The following KCNQ1 variants were observed in gnomAD, a reference collection of about 807,000 sequenced individuals.
The protein encoded by KCNQ1 is potassium voltage-gated channel subfamily Q member 1.
KCNQ1 carries 49 observed loss-of-function variants against 72.4 expected under a neutral mutation model. That is an observed-to-expected ratio of 0.68 (90% CI 0.54 to 0.86). The LOEUF is 0.86. Among genes scored for constraint, KCNQ1 ranks in the 40% least tolerant of loss-of-function variants. The pLI is 0.00. For missense variants in KCNQ1, 790 were observed against 945.1 expected, an observed-to-expected ratio of 0.84 and a Z score of 2.15; for synonymous variants, 450 against 412.6, an observed-to-expected ratio of 1.09 and a Z score of -1.10.
In KCNQ1 at chr11:2,611,991, T is replaced by TA. The variant is rs1408719226; in HGVS notation, c.1393+23137_1393+23138insA. ...TATTCTCTCCTTCTCAGTACTCTTA[T>TA]TAACACATATGTTGTTACTCCTTAA... On this transcript the variant is annotated intron_variant, in intron 10 of 15. Coordinates refer to ENST00000155840, the MANE Select transcript of KCNQ1 (RefSeq NM_000218.3). This position sits in a 1 kb window ranked among gnomAD's most constrained non-coding sequence, Gnocchi z 5.3. 6 of 398,670 alleles carry TA rather than the reference T, an allele frequency of 1.5e-5. No individual in the cohort carries two copies. The East Asian group carries it at 2.1e-4, about 14-fold the overall frequency. 24.7% of individuals were successfully genotyped at this position (398,670 alleles called of 1,614,324 possible).
chr11:2,795,503 G>T (rs989486464), intron 15 of KCNQ1, among the ~76,000 whole-genome samples: 1 of 152,184 alleles, frequency 6.6e-6, no homozygotes, highest in Non-Finnish European at 1.5e-5. Context: ...GTCATGCTTG[G>T]GCCCAGAGTG....
At position 2,687,651 on chromosome 11, in the gene KCNQ1, C is replaced by G. The variant is rs1327873318; in HGVS notation, c.1514+25570C>G. The stretch of plus-strand genomic sequence containing the variant: ...CTCAGGCCCCTGTAAAAATTGGGAC[C>G]TGTCCTTGCCAGCCAGGTCTCAGGG... On this transcript the variant is annotated intron_variant, in intron 11 of 15. Transcript: ENST00000155840. The surrounding 1 kb of genome is among the most constrained non-coding windows in gnomAD (Gnocchi z 5.0). The G allele has an allele frequency of 3.3e-5, 13 of 398,562 alleles. No individual in the cohort carries two copies. In the South Asian group the frequency reaches 1.5e-3, roughly 47 times the overall value. 24.7% of individuals were successfully genotyped at this position (398,562 alleles called of 1,614,324 possible).
chr11:2,647,886 T>C lies in KCNQ1; in HGVS notation c.1394-14075T>C, dbSNP rs1029289926. 4.3e-5 allele frequency: 17 copies of C among 398,470 alleles called. No homozygotes were observed. Among genetic ancestry groups the C allele is most frequent in the African/African-American group, 2.3e-4 (11 of 48,612 alleles). 24.7% of individuals were successfully genotyped at this position (398,470 alleles called of 1,614,324 possible). On this transcript the variant is annotated intron_variant, in intron 10 of 15. Coordinates refer to ENST00000155840, the MANE Select transcript of KCNQ1 (RefSeq NM_000218.3). This position sits in a 1 kb window ranked among gnomAD's most constrained non-coding sequence, Gnocchi z 4.0. ...ATTTATTGGGTCTTCTTGGTTAGTC[T>C]AGCTAATGGTTTATTGATTTTCTCT...
At chr11:2,643,076 T>C in intron 10 of KCNQ1, 1 of 398,132 alleles carries the variant, frequency 2.5e-6, no homozygotes, top group Non-Finnish European at 4.4e-6. Context: ...CTTAGTGTCC[T>C]AACATATAAT....
At position 2,626,699 on chromosome 11, in the gene KCNQ1, T is replaced by C. The variant is rs1011628755; in HGVS notation, c.1394-35262T>C. On this transcript the variant is annotated intron_variant, in intron 10 of 15. Transcript: ENST00000155840. The surrounding 1 kb of genome is among the most constrained non-coding windows in gnomAD (Gnocchi z 4.0). ...GTGTACCATTACACCTGGCCAATTA[T>C]TTTATTTTTTGTAGAGATGAGGTCT... 1 of 397,012 alleles carries C rather than the reference T, an allele frequency of 2.5e-6. No individual in the cohort carries two copies. The highest frequency in any genetic ancestry group is 4.4e-6 in the Non-Finnish European group (1 of 226,036). The allele number at this position is 397,012 out of a possible 1,614,324, so 24.6% of individuals were successfully genotyped here. A position where few individuals can be genotyped will look rare whatever the true frequency, so the allele number is the denominator to read the frequency against.
chr11:2,656,215 A>G (rs1308588143), intron 10 of KCNQ1: 1 of 398,506 alleles, frequency 2.5e-6, no homozygotes, highest in Non-Finnish European at 4.4e-6. Flanking sequence ...ATCCTGGATG[A>G]AGTTTTAGCT....
intron 15 of KCNQ1, among the ~76,000 whole-genome samples, chr11:2,778,337 C>T (rs55882753): frequency 6.6e-6 from 1 of 152,236 alleles, no homozygotes; most frequent in African/African-American, 2.4e-5. Context: ...CGCTGCCTCT[C>T]GTAGTCTGCT....
chr11:2,461,496 C>T, intron 1 of KCNQ1: 1 of 1,306,590 alleles, frequency 7.7e-7, no homozygotes, highest in Non-Finnish European at 1.0e-6. Context: ...CGGGAAGGCA[C>T]TGTCTTTGCG....
rs1299113524 is a variant in KCNQ1, at chr11:2,752,625, G to T, written c.1515-16219G>T. Among the ~76,000 whole-genome samples, 1 of 152,034 alleles carries T rather than the reference G, an allele frequency of 6.6e-6. No individual in the cohort carries two copies. The highest frequency in any genetic ancestry group is 6.6e-5 in the Admixed American group (1 of 15,266). On this transcript the variant is annotated intron_variant, in intron 11 of 15. Transcript: ENST00000155840. This position sits in a 1 kb window ranked among gnomAD's most constrained non-coding sequence, Gnocchi z 5.2. ...GTGGCAGAAGAGGCAAAAATAAGGT[G>T]CAAACAAGCTCCCTCAGGCCTCCTT...
intron 11 of KCNQ1, chr11:2,665,962 C>T (rs976693987): frequency 2.3e-5 from 9 of 398,556 alleles, no homozygotes; most frequent in African/African-American, 1.6e-4. Flanking sequence ...CCTCACACTG[C>T]ATCCCCAACT....
At position 2,818,328 on chromosome 11, in the gene KCNQ1, G is replaced by A. The variant is rs568295212; in HGVS notation, c.1795-29439G>A. ...AGTCACACCCCAAGCCCTGGCTTGA[G>A]CATGTACACAGGCTGCAGCCCGTGT... is the stretch of plus-strand genomic sequence containing the variant. On this transcript the variant is annotated intron_variant, in intron 15 of 15. Transcript: ENST00000155840. This position sits in a 1 kb window ranked among gnomAD's most constrained non-coding sequence, Gnocchi z 7.2. Among the ~76,000 whole-genome samples the A allele has an allele frequency of 5.3e-5, 8 of 152,200 alleles. No homozygotes were observed. Among genetic ancestry groups the A allele is most frequent in the Non-Finnish European group, 1.0e-4 (7 of 68,024 alleles).
chr11:2,671,249 C>T lies in KCNQ1; in HGVS notation c.1514+9168C>T, dbSNP rs1025535557. 8.3e-5 allele frequency: 33 copies of T among 398,456 alleles called. No individual in the cohort carries two copies. The highest frequency in any genetic ancestry group is 2.1e-4 in the African/African-American group (10 of 48,618). The allele number at this position is 398,456 out of a possible 1,614,324, so 24.7% of individuals were successfully genotyped here. On this transcript the variant is annotated intron_variant, in intron 11 of 15. Transcript: ENST00000155840. This position sits in a 1 kb window ranked among gnomAD's most constrained non-coding sequence, Gnocchi z 4.7. Reference sequence around the variant, plus strand: ...GGAGTCCAGGTCTGACCTCAAAATCCGATGTCCCCACCATCCCCAGCCCCT... The same window carrying T: ...GGAGTCCAGGTCTGACCTCAAAATCTGATGTCCCCACCATCCCCAGCCCCT...
rs1846411030 is a variant in KCNQ1 at position 2,762,270 on chromosome 11, C to T, written c.1515-6574C>T. Among the ~76,000 whole-genome samples, 1 of 152,156 alleles carries T rather than the reference C, an allele frequency of 6.6e-6. No homozygotes were observed. The highest frequency in any genetic ancestry group is 6.5e-5 in the Admixed American group (1 of 15,284). On this transcript the variant is annotated intron_variant, in intron 11 of 15. Coordinates refer to ENST00000155840, the MANE Select transcript of KCNQ1 (RefSeq NM_000218.3). This position sits in a 1 kb window ranked among gnomAD's most constrained non-coding sequence, Gnocchi z 4.3. ...GTTACAGTTCATACTGTTTGCGTTC[C>T]TTTAAAGACGTCTTTGCCCATCCCA...
intron 10 of KCNQ1, among the ~76,000 whole-genome samples, chr11:2,589,540 G>C (rs1365011063): frequency 6.6e-6 from 1 of 152,206 alleles, no homozygotes; most frequent in East Asian, 1.9e-4. Flanking sequence ...TGGAGAGCGA[G>C]GCCCTAGAGG....
chr11:2,578,431 A>G lies in KCNQ1; in HGVS notation c.922-5004A>G, dbSNP rs566249500. 1.4e-4 allele frequency among the ~76,000 whole-genome samples: 22 copies of G among 152,322 alleles called. No homozygotes were observed. The South Asian group carries it at 4.6e-3, about 32-fold the overall frequency. The stretch of plus-strand genomic sequence containing the variant: ...ATCCCCTGGAACCACTGAGACAGGC[A>G]TCGTGCCACGAGAGGGGACACCTGC... On this transcript the variant is annotated intron_variant, in intron 6 of 15. Transcript: ENST00000155840.
At chr11:2,540,983 G>A (rs1378229953) in intron 2 of KCNQ1, among the ~76,000 whole-genome samples, 3 of 152,224 alleles carry the variant, frequency 2.0e-5, no homozygotes, top group African/African-American at 7.2e-5. Context: ...AGGCACACAC[G>A]CACAGACATA....
intron 15 of KCNQ1, among the ~76,000 whole-genome samples, chr11:2,821,452 G>A (rs766345010): frequency 6.6e-6 from 1 of 152,216 alleles, no homozygotes; most frequent in African/African-American, 2.4e-5. Context: ...CTGGCTGAGG[G>A]AGTCTGGGGA....
intron 10 of KCNQ1, chr11:2,625,661 T>C (rs1009849776): frequency 1.5e-5 from 6 of 397,172 alleles, no homozygotes; most frequent in African/African-American, 1.0e-4. Flanking sequence ...CTGCAACCTC[T>C]GCCTCCTGGG....
intron 1 of KCNQ1, among the ~76,000 whole-genome samples, chr11:2,522,218 C>A (rs904072110): frequency 1.3e-5 from 2 of 151,884 alleles, no homozygotes; most frequent in African/African-American, 4.8e-5. Context: ...CCCCGCATGA[C>A]CACGCCCTCT....
Sources: gnomAD v4.1 joint callset for allele counts (sites outside exome capture counted in the v4.1 genomes callset) on GRCh38, gnomAD v4.1.1 for gene constraint, Gnocchi (gnomAD v3.1) non-coding constraint, MANE v1.5 for transcripts, NCBI Gene and HGNC (gene_info 2026-07-23, HGNC 2026-07-21) for gene names.